The following TBC1D14 variants were observed in gnomAD, a reference collection of about 807,000 sequenced individuals.
TBC1D14 encodes TBC1 domain family member 14.
In TBC1D14, 26 loss-of-function variants were observed where a neutral mutation model predicts 79.0. The ratio of observed to expected loss-of-function variants is 0.33; its 90% CI spans 0.24 to 0.46. The LOEUF (loss-of-function observed/expected upper bound fraction) is 0.46, where lower values mean the gene tolerates loss of function less well. TBC1D14 is among the 20% of genes least tolerant of loss of function. The probability of loss-of-function intolerance (pLI) is 1.00; values close to 1 mark genes in which losing one functional copy is unlikely to be tolerated. For synonymous variants in TBC1D14, 394 were observed against 349.9 expected, an observed-to-expected ratio of 1.13 and a Z score of -1.40; for missense variants, 769 against 887.6, an observed-to-expected ratio of 0.87 and a Z score of 1.70.
chr4:6,970,119 G>A (rs1446307828), intron 3 of TBC1D14, among the ~76,000 whole-genome samples: 2 of 152,224 alleles, frequency 1.3e-5, no homozygotes, highest in Non-Finnish European at 2.9e-5. Flanking sequence ...TCAGGATGGT[G>A]ACAATAACTC....
At chr4:6,915,842 T>G (rs936023533) in intron 1 of TBC1D14, among the ~76,000 whole-genome samples, 3 of 151,520 alleles carry the variant, frequency 2.0e-5, no homozygotes, top group East Asian at 3.9e-4. Flanking sequence ...AGGCCTGGCA[T>G]GGTGGCTCAC....
At chr4:7,006,978 C>T (rs1485422821) in intron 9 of TBC1D14, among the ~76,000 whole-genome samples, 2 of 152,180 alleles carry the variant, frequency 1.3e-5, no homozygotes, top group Non-Finnish European at 2.9e-5. Flanking sequence ...ATACATGTCT[C>T]GGGGCCCCTG....
chr4:6,915,354 G>A (rs975070553), intron 1 of TBC1D14, among the ~76,000 whole-genome samples: 1 of 152,214 alleles, frequency 6.6e-6, no homozygotes, highest in Non-Finnish European at 1.5e-5. Flanking sequence ...ACCGGGGTAG[G>A]GGGTTGGGGG....
rs566397781 is a variant in TBC1D14 at position 6,933,344 on chromosome 4, G to A, written c.722+9233G>A. ...TCTAGAGGCAGAGTCTCGCTTTGTC[G>A]CCCAGGCTGGATTTCACTGGTGCCA... On this transcript the variant is annotated intron_variant, in intron 2 of 13. Transcript: ENST00000409757. Among the ~76,000 whole-genome samples the A allele has an allele frequency of 5.2e-5, 7 of 135,362 alleles. No homozygotes were observed. The South Asian group carries it at 1.0e-3, about 20-fold the overall frequency. 88.8% of individuals were successfully genotyped at this position (135,362 alleles called of 152,430 possible).
At chr4:6,957,434 A>C (rs759378821) in intron 2 of TBC1D14, among the ~76,000 whole-genome samples, 1 of 152,226 alleles carries the variant, frequency 6.6e-6, no homozygotes, top group East Asian at 1.9e-4. Context: ...GATGGAGGTG[A>C]AAGTTGCTGG....
chr4:7,030,241 G>A (rs1457966807), intron 13 of TBC1D14, 86 bp from the exon 14 acceptor site: 3 of 1,315,864 alleles, frequency 2.3e-6, no homozygotes, highest in Non-Finnish European at 3.3e-6. Flanking sequence ...GACCCTGTTA[G>A]GAGGCTACTG....
chr4:7,005,960 A>G (rs967855388), intron 8 of TBC1D14, among the ~76,000 whole-genome samples: 7 of 152,242 alleles, frequency 4.6e-5, no homozygotes, highest in East Asian at 1.9e-4. Flanking sequence ...TAAGAAATAC[A>G]TGATTTTACT....
chr4:6,987,578 CTG>C, intron 3 of TBC1D14: 1 of 403,700 alleles, frequency 2.5e-6, no homozygotes, highest in South Asian at 1.2e-4. Context: ...CTCTTTGTGT[CTG>C]TGTTTCCACG....
Position 6,923,686 on chromosome 4 carries a change from G to T in TBC1D14, c.297G>T (p.Arg99=). Reference sequence around the variant, plus strand: ...CCGACTCCGACCTCATCCCCGAGCGGGCCTTCCAGAGCGCCTGCGCGCTGC... The same window carrying T: ...CCGACTCCGACCTCATCCCCGAGCGTGCCTTCCAGAGCGCCTGCGCGCTGC... The part of the protein sequence containing the change: ...KQSDSDLIPE[R]AFQSACALPS... The change falls in exon 2 of 14, where the codon CGG becomes CGT. Residue 99 remains arginine (R), a synonymous_variant. Transcript: ENST00000409757. 6.2e-7 allele frequency: 1 copy of T among 1,613,750 alleles called. No individual in the cohort carries two copies. The highest frequency in any genetic ancestry group is 1.1e-5 in the South Asian group (1 of 91,076).
intron 3 of TBC1D14, among the ~76,000 whole-genome samples, chr4:6,986,756 G>T (rs1030918825): frequency 2.0e-5 from 3 of 152,204 alleles, no homozygotes; most frequent in African/African-American, 2.4e-5. Context: ...CCATCTGAAG[G>T]GCGCTGTCCC....
intron 3 of TBC1D14, among the ~76,000 whole-genome samples, chr4:6,991,425 G>C (rs554418334): frequency 6.6e-6 from 1 of 152,172 alleles, no homozygotes; most frequent in South Asian, 2.1e-4. Flanking sequence ...CTGGGTCCCC[G>C]TGTGTGTTTG....
chr4:6,949,216 G>C (rs973062473), intron 2 of TBC1D14, among the ~76,000 whole-genome samples: 4 of 152,066 alleles, frequency 2.6e-5, no homozygotes, highest in African/African-American at 9.7e-5. Flanking sequence ...TGTAATCCCA[G>C]CACTTGGGAG....
chr4:6,981,285 A>C (rs1717354838), intron 3 of TBC1D14, among the ~76,000 whole-genome samples: 1 of 152,202 alleles, frequency 6.6e-6, no homozygotes, highest in Admixed American at 6.5e-5. Context: ...TAAGCTTCCC[A>C]AAGTGCTGGG....
At chr4:7,006,272 T>TA (rs11444373) in intron 8 of TBC1D14, among the ~76,000 whole-genome samples, 10,012 of 152,230 alleles carry the variant, frequency 0.066, 750 homozygotes, top group African/African-American at 0.19. Flanking sequence ...CGAGCAGTGA[T>TA]ATATGTGTGT....
intron 1 of TBC1D14, among the ~76,000 whole-genome samples, chr4:6,922,469 C>T (rs1290256042): frequency 6.6e-6 from 1 of 152,136 alleles, no homozygotes. Context: ...GATCTTAGAC[C>T]CGTTTCTTAG....
chr4:6,980,928 G>A (rs375729428), intron 3 of TBC1D14, among the ~76,000 whole-genome samples: 1 of 151,628 alleles, frequency 6.6e-6, no homozygotes, highest in Non-Finnish European at 1.5e-5. Context: ...TGTTAGCCAG[G>A]ATGGTCTCGA....
In TBC1D14 at chr4:7,004,919, A is replaced by T. The variant is rs1159784852; in HGVS notation, c.1346A>T (p.Asn449Ile). Residue 449 changes from asparagine (N) to isoleucine (I), a missense_variant, in exon 8 of 14, where the codon AAC (asparagine) becomes ATC (isoleucine). By Grantham distance (149) the Asn-to-Ile change is moderately radical (BLOSUM62 -3). This residue lies in a region of TBC1D14 where 367 missense variants were observed against 494.4 expected (regional missense o/e 0.74). Transcript: ENST00000409757. Reference protein sequence around the residue: ...SLSTGGSEVENEDAGFSAADR... With the variant: ...SLSTGGSEVEIEDAGFSAADR... The stretch of plus-strand genomic sequence containing the variant: ...AGCACAGGAGGCTCTGAAGTGGAGA[A>T]CGAAGGTAGAATGTCTTCTAAAACC... 1.9e-6 allele frequency: 3 copies of T among 1,614,106 alleles called. No homozygotes were observed. Among genetic ancestry groups the T allele is most frequent in the South Asian group, 1.1e-5 (1 of 91,080 alleles).
chr4:6,967,878 G>T (rs991763850), intron 3 of TBC1D14, among the ~76,000 whole-genome samples: 1 of 152,168 alleles, frequency 6.6e-6, no homozygotes, highest in African/African-American at 2.4e-5. Context: ...CCTCTCCCTT[G>T]CTCACCCTGA....
chr4:6,942,552 T>C (rs894659991), intron 2 of TBC1D14, among the ~76,000 whole-genome samples: 1 of 152,248 alleles, frequency 6.6e-6, no homozygotes, highest in African/African-American at 2.4e-5. Context: ...CAACCCAGGC[T>C]CTGGGTACCA....
Sources: gnomAD v4.1 joint callset for allele counts (sites outside exome capture counted in the v4.1 genomes callset) on GRCh38, gnomAD v4.1.1 for gene constraint, gnomAD v4.1.1 regional missense constraint, MANE v1.5 for transcripts, NCBI Gene and HGNC (gene_info 2026-07-23, HGNC 2026-07-21) for gene names.